TRIO: variants seen among roughly 807,000 people sequenced by gnomAD.
TRIO encodes the protein trio Rho guanine nucleotide exchange factor.
In TRIO, 58 loss-of-function variants were observed where a neutral mutation model predicts 351.9. The ratio of observed to expected loss-of-function variants is 0.16; its 90% confidence interval spans 0.13 to 0.21. TRIO has a LOEUF of 0.21. Among genes scored for constraint, TRIO ranks in the 10% least tolerant of loss-of-function variants. The pLI is 1.00. For synonymous variants in TRIO, 1,758 were observed against 1,595.7 expected (o/e 1.10, Z -2.42); for missense variants, 3,201 against 4,027.8 (o/e 0.79, Z 5.56).
chr5:14,504,180 G>A (rs1044381772), intron 54 of TRIO, among the ~76,000 whole-genome samples: 2 of 152,234 alleles, frequency 1.3e-5, no homozygotes, highest in African/African-American at 2.4e-5. Context: ...GGCTGCCTGG[G>A]AGGAAGGACC....
intron 1 of TRIO, among the ~76,000 whole-genome samples, chr5:14,147,453 C>T (rs986078942): frequency 2.0e-5 from 3 of 151,982 alleles, no homozygotes; most frequent in African/African-American, 7.3e-5. Flanking sequence ...CTTGTGAGAG[C>T]GTGTGTGTGT....
chr5:14,469,989 C>T (rs542770064), intron 37 of TRIO, among the ~76,000 whole-genome samples: 5 of 152,324 alleles, frequency 3.3e-5, no homozygotes, highest in Admixed American at 6.5e-5. Context: ...ATCCTCCCTT[C>T]GCTCTCAAAA....
intron 12 of TRIO, 132 bp from the exon 13 acceptor site, chr5:14,359,225 G>A (rs976790107): frequency 6.4e-6 from 7 of 1,091,142 alleles, no homozygotes; most frequent in South Asian, 5.1e-5. Flanking sequence ...AGAGCAGCCC[G>A]TTCCATTTTC....
At chr5:14,241,665 T>A (rs928563283) in intron 1 of TRIO, among the ~76,000 whole-genome samples, 2 of 152,222 alleles carry the variant, frequency 1.3e-5, no homozygotes, top group South Asian at 2.1e-4. Context: ...TTATATTATT[T>A]AAAATAGCAC....
chr5:14,169,996 G>A (rs1789000666), intron 1 of TRIO, among the ~76,000 whole-genome samples: 1 of 152,208 alleles, frequency 6.6e-6, no homozygotes, highest in South Asian at 2.1e-4. Flanking sequence ...TTAATGGAAA[G>A]CCAATGAAAT....
intron 36 of TRIO, 119 bp from the exon 37 acceptor site, chr5:14,465,425 TG>T: frequency 1.1e-6 from 1 of 870,238 alleles, no homozygotes; most frequent in Non-Finnish European, 1.8e-6. Flanking sequence ...GACAAACTTG[TG>T]GTCTTTTTGT....
intron 34 of TRIO, among the ~76,000 whole-genome samples, chr5:14,452,934 C>G (rs949636639): frequency 6.6e-6 from 1 of 151,958 alleles, no homozygotes. Flanking sequence ...ACAGATGTCC[C>G]AAATTTACAG....
intron 2 of TRIO, among the ~76,000 whole-genome samples, chr5:14,276,892 G>C (rs1316192134): frequency 6.6e-6 from 1 of 152,120 alleles, no homozygotes; most frequent in Admixed American, 6.5e-5. Context: ...GAGGTCTCAG[G>C]GTTTAAGGAA....
intron 1 of TRIO, among the ~76,000 whole-genome samples, chr5:14,199,874 G>A (rs919115870): frequency 2.6e-5 from 4 of 152,302 alleles, no homozygotes; most frequent in Middle Eastern, 3.4e-3. Context: ...AGGGAGTTGG[G>A]GAGGAGAGGT....
chr5:14,269,685 C>T (rs1019401165), intron 1 of TRIO, among the ~76,000 whole-genome samples: 2 of 146,470 alleles, frequency 1.4e-5, no homozygotes, highest in African/African-American at 5.0e-5. Context: ...TATAAATGTT[C>T]CCTGTAGCAG....
chr5:14,475,548 C>T (rs1755009796), intron 40 of TRIO, among the ~76,000 whole-genome samples: 1 of 152,174 alleles, frequency 6.6e-6, no homozygotes, highest in South Asian at 2.1e-4. Flanking sequence ...CCTTTGAACC[C>T]AGGTCAGAGA....
chr5:14,313,044 T>G (rs1459023784), intron 8 of TRIO, among the ~76,000 whole-genome samples: 1 of 152,206 alleles, frequency 6.6e-6, no homozygotes, highest in Non-Finnish European at 1.5e-5. Flanking sequence ...TAATATAGAA[T>G]CATATTTGGA....
intron 1 of TRIO, among the ~76,000 whole-genome samples, chr5:14,146,368 C>T (rs573451824): frequency 1.3e-5 from 2 of 152,170 alleles, no homozygotes; most frequent in African/African-American, 4.8e-5. Flanking sequence ...AAAGTGCCAA[C>T]CTGACTTAGA....
chr5:14,245,554 G>A (rs1307935454), intron 1 of TRIO, among the ~76,000 whole-genome samples: 2 of 152,216 alleles, frequency 1.3e-5, no homozygotes, highest in Non-Finnish European at 2.9e-5. Flanking sequence ...GATAGTGTAT[G>A]TCAGACCAAG....
chr5:14,343,242 C>T (rs971177015), intron 11 of TRIO, among the ~76,000 whole-genome samples: 10 of 152,158 alleles, frequency 6.6e-5, no homozygotes, highest in Admixed American at 5.2e-4. Context: ...TCACTTTCCG[C>T]GAGGTTTAGA....
chr5:14,307,436 A>G (rs1183227453), intron 8 of TRIO, among the ~76,000 whole-genome samples: 1 of 152,226 alleles, frequency 6.6e-6, no homozygotes, highest in African/African-American at 2.4e-5. Flanking sequence ...TGTCTTTGAC[A>G]TACTTAAAGA....
chr5:14,429,490 T>G (rs1018290056), intron 34 of TRIO, among the ~76,000 whole-genome samples: 4 of 152,212 alleles, frequency 2.6e-5, no homozygotes, highest in African/African-American at 9.6e-5. Context: ...CTGGCTAATT[T>G]AGAAGCAGCA....
At chr5:14,348,877 CA>C (rs1377993740) in intron 11 of TRIO, among the ~76,000 whole-genome samples, 4 of 106,798 alleles carry the variant, frequency 3.7e-5, no homozygotes, top group African/African-American at 1.2e-4. Context: ...TGTGTATGCA[CA>C]TGAGCATGTG....
intron 21 of TRIO, among the ~76,000 whole-genome samples, chr5:14,385,648 G>A (rs925425253): frequency 1.3e-5 from 2 of 152,244 alleles, no homozygotes; most frequent in Admixed American, 6.5e-5. Flanking sequence ...ACAGTGGAAG[G>A]TGGGGTGAGA....
Sources: allele counts gnomAD v4.1 joint callset (sites outside exome capture counted in the v4.1 genomes callset), GRCh38; gene constraint gnomAD v4.1.1; transcripts MANE v1.5; gene names NCBI Gene and HGNC (gene_info 2026-07-23, HGNC 2026-07-21).